The following KIF13B variants were observed in gnomAD, a reference collection of about 807,000 sequenced individuals.
KIF13B encodes kinesin-like protein KIF13B.
KIF13B carries 127 observed loss-of-function variants against 222.0 expected under a neutral mutation model. That is an observed-to-expected ratio of 0.57 (90% CI 0.50 to 0.66). The LOEUF is 0.66. KIF13B is among the 30% of genes least tolerant of loss of function. The pLI, the probability that KIF13B is intolerant of heterozygous loss-of-function variation, is 0.00. For synonymous variants in KIF13B, 976 were observed against 919.0 expected (o/e 1.06, Z -1.12); for missense variants, 2,173 against 2,379.0 (o/e 0.91, Z 1.80).
chr8:29,244,170 C>T (rs936365782), intron 2 of KIF13B, among the ~76,000 whole-genome samples: 2 of 152,102 alleles, frequency 1.3e-5, no homozygotes, highest in African/African-American at 2.4e-5. Context: ...CCCGCCATCA[C>T]GCCCGGCTAA....
intron 2 of KIF13B, among the ~76,000 whole-genome samples, chr8:29,213,613 T>TA (rs2130486992): frequency 6.6e-6 from 1 of 152,312 alleles, no homozygotes; most frequent in African/African-American, 2.4e-5. Flanking sequence ...TGGCATTTCC[T>TA]GGAGGCAACT....
Position 29,196,214 on chromosome 8 carries a change from C to G in KIF13B, c.150-15G>C. On this transcript the variant is annotated splice_polypyrimidine_tract_variant and intron_variant, in intron 2 of 39. Transcript: ENST00000524189. ...TCGGCTGGCCCCTGAGCTCCCAAAA[C>G]AGATGTCATCATTGACGTGAAAGAA... The G allele has an allele frequency of 6.5e-7, 1 of 1,540,804 alleles. No individual in the cohort carries two copies.
intron 1 of KIF13B, among the ~76,000 whole-genome samples, chr8:29,255,793 T>C (rs1463450922): frequency 6.6e-6 from 1 of 152,158 alleles, no homozygotes; most frequent in Non-Finnish European, 1.5e-5. Context: ...CTGAACACAA[T>C]TCTGTGTTAA....
chr8:29,113,416 C>A, intron 32 of KIF13B, 47 bp downstream of exon 32: 1 of 1,218,346 alleles, frequency 8.2e-7, no homozygotes, highest in South Asian at 1.3e-5. Flanking sequence ...GGAGTTGGCT[C>A]TTTTTAAGTG....
Position 29,070,748 on chromosome 8 carries a change from A to G in KIF13B, c.5237T>C (p.Ile1746Thr), listed in dbSNP as rs759416176. ...DLPSGKNDGS[I>T]GGKQYFRCNP... ...ACACCTGAAGTACTGCTTCCCGCCG[A>G]TGGAACCGTCATTCTTACCTGCGGG... Residue 1746 changes from isoleucine to threonine, a missense_variant, in exon 40 of 40, where the codon ATC becomes ACC. Ile to Thr is a moderately conservative substitution (Grantham distance 89). Around this residue, in one of 2 missense-constraint regions of KIF13B, gnomAD observed 693 missense variants for 656.2 expected, o/e 1.06. Transcript: ENST00000524189. This position sits in a 1 kb window ranked among gnomAD's most constrained non-coding sequence, Gnocchi z 4.1. 1.1e-5 allele frequency: 18 copies of G among 1,587,050 alleles called. No individual in the cohort carries two copies. The highest frequency in any genetic ancestry group is 1.4e-5 in the Non-Finnish European group (16 of 1,167,382).
At chr8:29,244,741 C>A (rs573879306) in intron 2 of KIF13B, among the ~76,000 whole-genome samples, 1 of 152,282 alleles carries the variant, frequency 6.6e-6, no homozygotes, top group Admixed American at 6.5e-5. Context: ...TCATGTTCTT[C>A]CCTTTCCTTT....
At chr8:29,100,605 G>A (rs773043679) in intron 35 of KIF13B, among the ~76,000 whole-genome samples, 21 of 152,038 alleles carry the variant, frequency 1.4e-4, no homozygotes, top group Non-Finnish European at 2.5e-4. Flanking sequence ...CACCATGCCC[G>A]GCTAATTTTG....
At chr8:29,093,390 GGA>G (rs1227506016) in intron 36 of KIF13B, among the ~76,000 whole-genome samples, 2 of 152,278 alleles carry the variant, frequency 1.3e-5, no homozygotes, top group South Asian at 4.1e-4. Context: ...TAAAAGTCAG[GGA>G]GAGACGCCCT....
Position 29,119,673 on chromosome 8 carries a change from A to G in KIF13B, c.3536-681T>C, listed in dbSNP as rs138185140. On this transcript the variant is annotated intron_variant, in intron 29 of 39. Coordinates refer to ENST00000524189, the MANE Select transcript of KIF13B (RefSeq NM_015254.4). ...GCACCCAAATACAAGCACCTCACCT[A>G]CGTAGGAAGCCTAACAGAAGAACAG... Among the ~76,000 whole-genome samples, 450 of 152,164 alleles carry G rather than the reference A, an allele frequency of 3.0e-3. 1 individual carries two copies. The highest frequency in any genetic ancestry group is 4.8e-3 in the Non-Finnish European group (326 of 67,998).
Position 29,186,376 on chromosome 8 carries a change from T to G in KIF13B, c.413A>C (p.Glu138Ala). 1 of 1,613,924 alleles carries G rather than the reference T, an allele frequency of 6.2e-7. No individual in the cohort carries two copies. Among genetic ancestry groups the G allele is most frequent in the Non-Finnish European group, 8.5e-7 (1 of 1,179,794 alleles). The change falls in exon 6 of 40, where the codon GAA becomes GCA. Residue 138 changes from glutamate to alanine, a missense_variant. By Grantham distance (107) the Glu-to-Ala change is moderately radical. Coordinates refer to ENST00000524189, the MANE Select transcript of KIF13B (RefSeq NM_015254.4). ...TACTTTAAAACTCTGTTCTTCATTT[T>G]CCTCTTTCTGAGTTCGTTCAAAGAG... ...SGLFERTQKEENEEQSFKVEV... is the reference protein window; with the variant it reads ...SGLFERTQKEANEEQSFKVEV...
chr8:29,150,356 G>A lies in KIF13B; in HGVS notation c.1563C>T (p.Ser521=). The change falls in exon 15 of 40, where the codon TCC becomes TCT. Residue 521 remains serine, a synonymous_variant. Coordinates refer to ENST00000524189, the MANE Select transcript of KIF13B (RefSeq NM_015254.4). ...CCCCATGGTGTAGCTGTATTGGACT[G>A]GAGACAGATGACCCATTTACAAATG... The part of the protein sequence containing the change: ...TRTFVNGSSV[S]SPIQLHHGDR... The A allele has an allele frequency of 6.3e-7, 1 of 1,587,432 alleles. No homozygotes were observed. Among genetic ancestry groups the A allele is most frequent in the Non-Finnish European group, 8.6e-7 (1 of 1,158,740 alleles).
intron 1 of KIF13B, among the ~76,000 whole-genome samples, chr8:29,261,472 A>T (rs1441251365): frequency 6.6e-6 from 1 of 152,246 alleles, no homozygotes. Flanking sequence ...TGTGAAAAGG[A>T]AATTTTAAGA....
At chr8:29,145,435 A>G (rs544970501) in intron 18 of KIF13B, among the ~76,000 whole-genome samples, 2 of 152,286 alleles carry the variant, frequency 1.3e-5, no homozygotes, top group Non-Finnish European at 2.9e-5. Flanking sequence ...GTTTGAGACC[A>G]GCCTGGCCAA....
chr8:29,245,231 A>C (rs1464090940), intron 2 of KIF13B, 115 bp downstream of exon 2: 1 of 716,948 alleles, frequency 1.4e-6, no homozygotes, highest in Admixed American at 2.5e-5. Flanking sequence ...GAAGACAGCA[A>C]TATGTCTCTA....
intron 2 of KIF13B, among the ~76,000 whole-genome samples, chr8:29,227,260 T>C (rs1166134071): frequency 6.6e-6 from 1 of 151,838 alleles, no homozygotes; most frequent in African/African-American, 2.4e-5. Flanking sequence ...ATAAAAAGCA[T>C]TTTATACTAA....
intron 29 of KIF13B, among the ~76,000 whole-genome samples, chr8:29,119,546 T>A (rs902126692): frequency 6.6e-6 from 1 of 152,284 alleles, no homozygotes; most frequent in Middle Eastern, 3.4e-3. Context: ...ACCGAGAACA[T>A]GTACCATGCT....
At chr8:29,146,040 A>AGTG in intron 18 of KIF13B, 1 of 514,994 alleles carries the variant, frequency 1.9e-6, no homozygotes, top group South Asian at 2.5e-5. Flanking sequence ...GGGGTTGTAG[A>AGTG]GTGGTAGCAT....
intron 22 of KIF13B, among the ~76,000 whole-genome samples, chr8:29,133,745 C>T (rs947236829): frequency 6.6e-6 from 1 of 152,188 alleles, no homozygotes; most frequent in Non-Finnish European, 1.5e-5. Context: ...CTCTAAAACA[C>T]AAGTTTCTTA....
chr8:29,124,271 C>T (rs1384331918), intron 26 of KIF13B, 148 bp from the exon 27 acceptor site: 3 of 558,596 alleles, frequency 5.4e-6, no homozygotes, highest in Non-Finnish European at 6.3e-6. Context: ...GTTGACTGCG[C>T]CCATCTTTCA....
Sources: gnomAD v4.1 joint callset for allele counts (sites outside exome capture counted in the v4.1 genomes callset) on GRCh38, gnomAD v4.1.1 for gene constraint, gnomAD v4.1.1 regional missense constraint, Gnocchi (gnomAD v3.1) non-coding constraint, MANE v1.5 for transcripts, NCBI Gene and HGNC (gene_info 2026-07-23, HGNC 2026-07-21) for gene names.